Variants in NBEA observed in about 807,000 individuals in gnomAD.
The protein encoded by NBEA is lysosomal-trafficking regulator 2.
A neutral mutation model predicts 343.4 loss-of-function variants in NBEA; 44 were observed. The ratio of observed to expected loss-of-function variants is 0.13; its 90% CI spans 0.10 to 0.16. The LOEUF is 0.16. Among genes scored for constraint, NBEA ranks in the 10% least tolerant of loss-of-function variants. The pLI, the probability that NBEA is intolerant of heterozygous loss-of-function variation, is 1.00. For synonymous variants in NBEA, 1,175 were observed against 1,238.7 expected, an observed-to-expected ratio of 0.95 and a Z score of 1.08; for missense variants, 2,555 against 3,631.3, an observed-to-expected ratio of 0.70 and a Z score of 7.62.
intron 38 of NBEA, among the ~76,000 whole-genome samples, chr13:35,378,452 G>A (rs767126707): frequency 6.6e-6 from 1 of 152,120 alleles, no homozygotes; most frequent in Admixed American, 6.5e-5. Context: ...TGGCCACTTA[G>A]CCACTGCTTA....
At chr13:35,593,609 T>C (rs932237891) in intron 47 of NBEA, among the ~76,000 whole-genome samples, 162 bp downstream of exon 47, 1 of 152,128 alleles carries the variant, frequency 6.6e-6, no homozygotes, top group African/African-American at 2.4e-5. Context: ...TTGAACATTA[T>C]AGAAAATAAC....
chr13:35,106,769 CT>C (rs879634123), intron 11 of NBEA, among the ~76,000 whole-genome samples: 41 of 146,946 alleles, frequency 2.8e-4, no homozygotes, highest in Admixed American at 3.4e-4. Context: ...CCCCCTCCGC[CT>C]TTTTTTTTTA....
intron 1 of NBEA, among the ~76,000 whole-genome samples, chr13:34,994,254 G>A (rs1289430617): frequency 6.8e-6 from 1 of 147,710 alleles, no homozygotes; most frequent in Non-Finnish European, 1.5e-5. Context: ...TAAATAAATG[G>A]AGTTTAGTGG....
chr13:35,442,047 C>A (rs544633383), intron 39 of NBEA, among the ~76,000 whole-genome samples: 1 of 152,086 alleles, frequency 6.6e-6, no homozygotes, highest in South Asian at 2.1e-4. Context: ...TCCCTGCCTC[C>A]CTCCTTTCCT....
chr13:35,032,943 AT>A (rs1273528262), intron 1 of NBEA, among the ~76,000 whole-genome samples: 2 of 151,872 alleles, frequency 1.3e-5, no homozygotes, highest in Admixed American at 1.3e-4. Flanking sequence ...ATTTTCTCCC[AT>A]TCTCTGGATT....
chr13:35,593,235 C>A, intron 46 of NBEA, 93 bp from the exon 47 acceptor site: 2 of 1,429,062 alleles, frequency 1.4e-6, no homozygotes, highest in Non-Finnish European at 9.5e-7. Context: ...GCCTCCACAT[C>A]TTGAAGGATT....
chr13:35,274,438 C>G (rs1279926511), intron 34 of NBEA, among the ~76,000 whole-genome samples: 2 of 152,136 alleles, frequency 1.3e-5, no homozygotes, highest in Admixed American at 6.6e-5. Context: ...GAAGCATTCC[C>G]TTTGACAACT....
At chr13:35,118,511 A>T (rs1331946315) in intron 16 of NBEA, 37 bp downstream of exon 16, 1 of 1,433,224 alleles carries the variant, frequency 7.0e-7, no homozygotes, top group Non-Finnish European at 9.6e-7. Flanking sequence ...TTAGACTTTA[A>T]TGGAGCACAG....
chr13:35,594,622 T>TA (rs1374947876), intron 47 of NBEA, among the ~76,000 whole-genome samples: 1 of 152,114 alleles, frequency 6.6e-6, no homozygotes, highest in East Asian at 1.9e-4. Context: ...TGCTGAGACT[T>TA]AAACTCTAAA....
chr13:35,100,193 C>A (rs1469465208), intron 11 of NBEA, among the ~76,000 whole-genome samples: 1 of 151,910 alleles, frequency 6.6e-6, no homozygotes, highest in African/African-American at 2.4e-5. Flanking sequence ...CAAAAATAAT[C>A]AAGTTCTAAA....
At chr13:35,323,155 CA>C (rs1244808499) in intron 36 of NBEA, among the ~76,000 whole-genome samples, 1 of 152,160 alleles carries the variant, frequency 6.6e-6, no homozygotes, top group East Asian at 1.9e-4. Context: ...CAGCCTAAAT[CA>C]CATTTTTAAC....
intron 36 of NBEA, among the ~76,000 whole-genome samples, chr13:35,310,935 C>T (rs2152833536): frequency 6.6e-6 from 1 of 152,164 alleles, no homozygotes; most frequent in South Asian, 2.1e-4. Context: ...CATTTTTTAT[C>T]ACTGTATTAT....
chr13:35,020,320 T>C (rs1242782454), intron 1 of NBEA, among the ~76,000 whole-genome samples: 1 of 152,190 alleles, frequency 6.6e-6, no homozygotes, highest in Admixed American at 6.5e-5. Context: ...GTTTTATTTA[T>C]TTTTAATTCT....
chr13:35,345,695 G>C (rs949464542), intron 36 of NBEA, among the ~76,000 whole-genome samples: 1 of 152,070 alleles, frequency 6.6e-6, no homozygotes, highest in Non-Finnish European at 1.5e-5. Flanking sequence ...GTTGGCAAGA[G>C]AGTGGTTAAA....
chr13:35,322,145 GA>G (rs1053076740), intron 36 of NBEA, among the ~76,000 whole-genome samples: 5 of 151,292 alleles, frequency 3.3e-5, no homozygotes, highest in Non-Finnish European at 7.4e-5. Flanking sequence ...ACTGGGATGT[GA>G]AAAAAAAACT....
intron 10 of NBEA, among the ~76,000 whole-genome samples, chr13:35,090,105 T>G (rs1430713537): frequency 2.0e-5 from 2 of 100,378 alleles, no homozygotes; most frequent in Non-Finnish European, 4.9e-5. Flanking sequence ...TCTGGCTGTA[T>G]TAGTCAGTGT....
intron 13 of NBEA, among the ~76,000 whole-genome samples, chr13:35,111,445 AAAAT>A (rs1451274675): frequency 6.6e-6 from 1 of 151,962 alleles, no homozygotes; most frequent in African/African-American, 2.4e-5. Context: ...AAAAATATAG[AAAAT>A]AAAATAATAC....
intron 44 of NBEA, among the ~76,000 whole-genome samples, chr13:35,559,930 CAAAAA>C (rs34700584): frequency 1.8e-5 from 2 of 108,976 alleles, no homozygotes; most frequent in Non-Finnish European, 1.9e-5. Flanking sequence ...GACTCCGTCT[CAAAAA>C]AAAAAAAAAA....
At chr13:35,324,180 A>T (rs1300772378) in intron 36 of NBEA, among the ~76,000 whole-genome samples, 1 of 152,170 alleles carries the variant, frequency 6.6e-6, no homozygotes, top group African/African-American at 2.4e-5. Context: ...TAGCCAAAGG[A>T]TACACCAAAG....
Sources: gnomAD v4.1 joint callset for allele counts (sites outside exome capture counted in the v4.1 genomes callset) on GRCh38, gnomAD v4.1.1 for gene constraint, MANE v1.5 for transcripts, NCBI Gene and HGNC (gene_info 2026-07-23, HGNC 2026-07-21) for gene names.